ZNF185: variants seen among roughly 807,000 people sequenced by gnomAD.
The protein encoded by ZNF185 is zinc finger protein 185.
A neutral mutation model predicts 58.6 loss-of-function variants in ZNF185; 56 were observed. That is an observed-to-expected ratio of 0.95 (90% CI 0.77 to 1.19). The LOEUF is 1.19. Ranked by LOEUF, ZNF185 falls within the 50% of genes most tolerant of loss-of-function variation. The pLI is 0.00. For missense variants in ZNF185, 627 were observed against 573.5 expected, an observed-to-expected ratio of 1.09 and a Z score of -0.95; for synonymous variants, 230 against 215.9, an observed-to-expected ratio of 1.07 and a Z score of -0.57.
At chrX:152,935,095 A>AT (rs1556880514) in intron 14 of ZNF185, among the ~76,000 whole-genome samples, 1 of 112,114 alleles carries the variant, frequency 8.9e-6, no homozygotes, top group African/African-American at 3.2e-5. Flanking sequence ...AAGTGCTGGG[A>AT]TTACAGGCAT....
exon 9 of ZNF185, chrX:152,920,726 C>A: frequency 8.3e-7 from 1 of 1,212,041 alleles, no homozygotes; most frequent in Non-Finnish European, 1.1e-6. Context: ...CCAGGAGACA[C>A]AGGCACCGTT....
upstream of ZNF185, among the ~76,000 whole-genome samples, chrX:152,911,280 G>A (rs1937142902): frequency 8.9e-6 from 1 of 112,047 alleles, no homozygotes; most frequent in Non-Finnish European, 1.9e-5. Flanking sequence ...CACTTGGCAG[G>A]GCTACCTTCC....
At chrX:152,965,647 C>T (rs782449821) in intron 19 of ZNF185, 120 bp downstream of exon 21, 38 of 572,008 alleles carry the variant, frequency 6.6e-5, no homozygotes, top group Admixed American at 9.2e-5. Context: ...GGGTAATTGT[C>T]GAGTGGATGA....
intron 16 of ZNF185, among the ~76,000 whole-genome samples, chrX:152,959,297 G>A (rs782545801): frequency 8.9e-6 from 1 of 111,993 alleles, no homozygotes; most frequent in African/African-American, 3.2e-5. Flanking sequence ...CCTGGCCAGC[G>A]CACAGGTCTT....
exon 16 of ZNF185, chrX:152,945,343 A>G (rs1429478288): frequency 1.7e-6 from 2 of 1,205,761 alleles, no homozygotes; most frequent in East Asian, 5.9e-5. Flanking sequence ...TGGAGCTCCA[A>G]GAGGTGGCCA....
the ZNF185 span, among the ~76,000 whole-genome samples, chrX:152,905,190 C>T: frequency 8.0e-5 from 9 of 113,012 alleles, no homozygotes; most frequent in African/African-American, 1.3e-4. Flanking sequence ...GGCTCTGCGC[C>T]GGGGCCTCCT....
chrX:152,941,724 G>A (rs1412320895), intron 15 of ZNF185: 3 of 1,163,335 alleles, frequency 2.6e-6, no homozygotes, highest in South Asian at 1.9e-5. Flanking sequence ...CGCCCGGGAC[G>A]AGCTCGGCCT....
intron 6 of ZNF185, 117 bp from the exon 8 acceptor site, chrX:152,918,866 G>A (rs1556867826): frequency 3.9e-6 from 2 of 510,259 alleles, no homozygotes; most frequent in African/African-American, 4.7e-5. Flanking sequence ...CAAGTGGCAT[G>A]ACCTAAGGCC....
intron 11 of ZNF185, among the ~76,000 whole-genome samples, chrX:152,925,713 T>C (rs1193101883): frequency 8.9e-6 from 1 of 112,092 alleles, no homozygotes; most frequent in African/African-American, 3.2e-5. Flanking sequence ...CCAGCTCCTA[T>C]CTGCCTGGTG....
At chrX:152,963,801 C>G in intron 17 of ZNF185, 38 bp from the exon 20 acceptor site, 1 of 1,171,424 alleles carries the variant, frequency 8.5e-7, no homozygotes, top group South Asian at 1.9e-5. Context: ...TGTCAGCTCC[C>G]AGGTTGACGT....
intron 16 of ZNF185, 121 bp downstream of exon 18, chrX:152,945,585 G>A (rs2047704944): frequency 1.2e-6 from 1 of 815,095 alleles, no homozygotes; most frequent in Non-Finnish European, 1.7e-6. Flanking sequence ...GCACACCCAG[G>A]CTCCTGTTCT....
chrX:152,941,970 T>C (rs1369929913), intron 15 of ZNF185: 2 of 874,921 alleles, frequency 2.3e-6, no homozygotes, highest in Non-Finnish European at 1.5e-6. Context: ...CCTGGGGCCA[T>C]GGCCTCTGGG....
intron 22 of ZNF185, 110 bp downstream of exon 24, chrX:152,970,651 C>A: frequency 1.5e-6 from 1 of 651,775 alleles, no homozygotes; most frequent in South Asian, 2.9e-5. Flanking sequence ...TCTTTCTTGG[C>A]TCTTCCTTAT....
chrX:152,935,014 A>T (rs974500835), intron 14 of ZNF185, among the ~76,000 whole-genome samples: 1 of 109,383 alleles, frequency 9.1e-6, no homozygotes, highest in Admixed American at 9.8e-5. Context: ...GGTAGAGACG[A>T]GGTTTTACCA....
chrX:152,958,855 T>C (rs911498260), intron 16 of ZNF185, among the ~76,000 whole-genome samples: 1 of 111,688 alleles, frequency 9.0e-6, no homozygotes, highest in Admixed American at 9.3e-5. Context: ...CAACGATAAG[T>C]GGGCGGGTGC....
At chrX:152,939,660 T>TGAGG (rs782185364) in intron 15 of ZNF185, among the ~76,000 whole-genome samples, 3 of 111,128 alleles carry the variant, frequency 2.7e-5, no homozygotes, top group Non-Finnish European at 5.7e-5. Flanking sequence ...AGGAGAAAAT[T>TGAGG]GAGGGACTCA....
exon 23 of ZNF185, chrX:152,972,262 C>T (rs1203227011): frequency 8.9e-6 from 1 of 112,151 alleles, no homozygotes; most frequent in African/African-American, 3.2e-5. Flanking sequence ...AGCCCATGCT[C>T]TTCCCAGAGC....
At chrX:152,934,057 C>A (rs1047506347) in intron 14 of ZNF185, among the ~76,000 whole-genome samples, 12 of 113,009 alleles carry the variant, frequency 1.1e-4, no homozygotes, top group Non-Finnish European at 1.9e-5. Flanking sequence ...CGCTAGAGCC[C>A]TGTCCATGCA....
rs145248076 is a variant in ZNF185 at position 152,949,430 on chromosome X, C to T, written c.1409+3966C>T. Among the ~76,000 whole-genome samples, 33 of 112,484 alleles carry T rather than the reference C, an allele frequency of 2.9e-4. No homozygotes were observed. The East Asian group carries it at 9.3e-3, about 32-fold the overall frequency. Reference sequence around the variant, plus strand: ...TGCGACTGTAGACAAATCCCCTTTCCGGGCCCCCTGGGGTTCTCTATTTGC... The same window carrying T: ...TGCGACTGTAGACAAATCCCCTTTCTGGGCCCCCTGGGGTTCTCTATTTGC... On this transcript the variant is annotated intron_variant, in intron 16 of 22. Transcript: ENST00000449285.
Sources: gnomAD v4.1 joint callset for allele counts (sites outside exome capture counted in the v4.1 genomes callset) on GRCh38, gnomAD v4.1.1 for gene constraint, MANE v1.5 for transcripts, NCBI Gene and HGNC (gene_info 2026-07-23, HGNC 2026-07-21) for gene names.